NRSN2: variants seen among roughly 807,000 people sequenced by gnomAD.
The protein encoded by NRSN2 is neurensin-2.
Under a neutral mutation model 11.1 loss-of-function variants are expected in NRSN2, and 10 were observed. That is an observed-to-expected ratio of 0.90 (90% CI 0.56 to 1.53). The LOEUF (loss-of-function observed/expected upper bound fraction) is 1.53. Ranked by LOEUF, NRSN2 falls within the 40% of genes most tolerant of loss-of-function variation. The probability of loss-of-function intolerance (pLI) is 0.00; values close to 1 mark genes in which losing one functional copy is unlikely to be tolerated. For missense variants in NRSN2, 260 were observed against 273.7 expected (o/e 0.95, Z 0.35); for synonymous variants, 100 against 117.0 (o/e 0.86, Z 0.94).
chr20:353,628 A>G lies in NRSN2; in HGVS notation c.608A>G (p.Asp203Gly), dbSNP rs1350700362. Reference protein sequence around the residue: ...SSVQTIQPKRDS With the variant: ...SSVQTIQPKRGS ...GTGCAGACTATCCAGCCCAAGAGGGACTCCTGAGCTGCCCACATGGCCTAA... is the reference window on the plus strand; with the variant it reads ...GTGCAGACTATCCAGCCCAAGAGGGGCTCCTGAGCTGCCCACATGGCCTAA... The change falls in exon 5 of 5, where the codon GAC becomes GGC. Residue 203 changes from aspartate (D) to glycine (G), a missense_variant. Asp to Gly is a moderately conservative substitution (Grantham distance 94). Transcript: ENST00000382285. The G allele has an allele frequency of 6.2e-7, 1 of 1,613,356 alleles. No individual in the cohort carries two copies. Among genetic ancestry groups the G allele is most frequent in the Non-Finnish European group, 8.5e-7 (1 of 1,179,742 alleles).
intron 4 of NRSN2, among the ~76,000 whole-genome samples, chr20:350,477 TAA>T (rs553851326): frequency 2.9e-4 from 24 of 83,424 alleles, no homozygotes; most frequent in Admixed American, 4.2e-4. Flanking sequence ...AAACTCCCTC[TAA>T]AAAAAAAAAA....
rs1354859900 is a variant in NRSN2 at position 347,781 on chromosome 20, A to G, written c.-122+269A>G. Among the ~76,000 whole-genome samples the G allele has an allele frequency of 3.3e-5, 5 of 151,836 alleles. No individual in the cohort carries two copies. Among genetic ancestry groups the G allele is most frequent in the Admixed American group, 1.3e-4 (2 of 15,262 alleles). ...GCAGTCTCCCCACGTCGGACAGCGC[A>G]GCCCCCTCCGCCTCCCGCTCCCCTC... On this transcript the variant is annotated intron_variant, in intron 2 of 4. Coordinates refer to ENST00000382285, the MANE Select transcript of NRSN2 (RefSeq NM_001323682.2). The surrounding 1 kb of genome is among the most constrained non-coding windows in gnomAD (Gnocchi z 7.0).
In NRSN2 at chr20:353,599, T is replaced by A; in HGVS notation, c.579T>A (p.Ser193=). 1 of 1,614,176 alleles carries A rather than the reference T, an allele frequency of 6.2e-7. No individual in the cohort carries two copies. Among genetic ancestry groups the A allele is most frequent in the African/African-American group, 1.3e-5 (1 of 75,040 alleles). ...FSPPASPFGQ[S]SVQTIQPKRD... ...CACCCGCCAGCCCCTTTGGGCAATC[T>A]TCTGTGCAGACTATCCAGCCCAAGA... The change falls in exon 5 of 5, where the codon TCT becomes TCA. Residue 193 remains serine, a synonymous_variant. Transcript: ENST00000382285.
Position 353,533 on chromosome 20 carries a change from AC to A in NRSN2, c.516del (p.Ile173PhefsTer68), listed in dbSNP as rs767055670. 22 of 1,613,918 alleles carry A rather than the reference AC, an allele frequency of 1.4e-5. No individual in the cohort carries two copies. The African/African-American group carries it at 2.9e-4, about 22-fold the overall frequency. On this transcript the variant is annotated frameshift_variant, in exon 5 of 5. Coordinates refer to ENST00000382285, the MANE Select transcript of NRSN2 (RefSeq NM_001323682.2). LOFTEE classifies it high-confidence loss of function. Reference sequence around the variant, plus strand: ...GGGATGAGCCAGAGCAGCAGTTGTCACCCATTTTCCGCAATGCCAGTGGCCA... The same window carrying A: ...GGGATGAGCCAGAGCAGCAGTTGTCACCATTTTCCGCAATGCCAGTGGCCA... Reference protein sequence around the residue: ...FGDEPEQQLSPIFRNASGQSW... With the variant: ...FGDEPEQQLSXIFRNASGQSW...
chr20:350,646 CAAAAAAAAAAA>C (rs56188179), intron 4 of NRSN2, among the ~76,000 whole-genome samples: 14 of 39,408 alleles, frequency 3.6e-4, no homozygotes, highest in African/African-American at 1.2e-3. Flanking sequence ...GACTCTGTCT[CAAAAAAAAAAA>C]AAAAAAAAAA....
Position 349,708 on chromosome 20 carries a change from G to A in NRSN2, c.65G>A (p.Trp22Ter). 6.2e-7 allele frequency: 1 copy of A among 1,613,446 alleles called. No individual in the cohort carries two copies. The highest frequency in any genetic ancestry group is 1.1e-5 in the South Asian group (1 of 91,072). The change falls in exon 4 of 5, where the codon TGG becomes TAG. Residue 22 changes from tryptophan (W) to a stop codon, truncating the protein, a stop_gained. Transcript: ENST00000382285. LOFTEE classifies it high-confidence loss of function. ...SRGPSVEDGK[W>*]YGVRSYLHLF... ...GGCCCCAGCGTGGAGGATGGCAAGT[G>A]GTATGGGGTCCGCTCCTACCTGCAC... is the stretch of plus-strand genomic sequence containing the variant.
At chr20:351,526 T>C (rs538161630) in intron 4 of NRSN2, among the ~76,000 whole-genome samples, 30 of 152,216 alleles carry the variant, frequency 2.0e-4, no homozygotes, top group Admixed American at 9.2e-4. Flanking sequence ...AGAGTGAGAC[T>C]CTGTCAAGAA....
chr20:349,476 C>G (rs2013742125), intron 3 of NRSN2, 113 bp downstream of exon 3: 1 of 577,506 alleles, frequency 1.7e-6, no homozygotes, highest in South Asian at 2.2e-5. Flanking sequence ...TTGGGAAGGA[C>G]AGGCTGGGAT....
intron 2 of NRSN2, chr20:348,504 T>TGTGTGTGTGTGTGG (rs2013645035): frequency 6.6e-6 from 1 of 151,568 alleles, no homozygotes. Context: ...TGTGTGTGTG[T>TGTGTGTGTGTGTGG]GTGTGTGTGT....
At chr20:351,950 A>G (rs752068797) in intron 4 of NRSN2, among the ~76,000 whole-genome samples, 1 of 152,090 alleles carries the variant, frequency 6.6e-6, no homozygotes, top group Non-Finnish European at 1.5e-5. Flanking sequence ...GTTTATATGG[A>G]GAGGTAAAAG....
intron 4 of NRSN2, among the ~76,000 whole-genome samples, chr20:352,870 G>A (rs1002240748): frequency 2.0e-5 from 3 of 152,206 alleles, no homozygotes; most frequent in African/African-American, 7.2e-5. Flanking sequence ...GGTGAGGTTT[G>A]AGATGAGATC....
intron 2 of NRSN2, among the ~76,000 whole-genome samples, chr20:348,562 T>C (rs562484153): frequency 6.8e-6 from 1 of 146,200 alleles, no homozygotes; most frequent in Non-Finnish European, 1.5e-5. Context: ...GTATGCTTTG[T>C]GAGTATGTCT....
intron 3 of NRSN2, 128 bp from the exon 4 acceptor site, chr20:349,510 G>C: frequency 1.5e-6 from 1 of 676,118 alleles, no homozygotes; most frequent in South Asian, 1.9e-5. Flanking sequence ...ACTGTGCTAT[G>C]CGTGTAGGGT....
rs1046559 is a variant in NRSN2, at chr20:354,721, C to T, written c.*1086C>T. On this transcript the variant is annotated 3_prime_UTR_variant, in exon 5 of 5. Transcript: ENST00000382285. ...CCCCTCCCTAACCCTTACCTTCAGT[C>T]TCCACCAGCCTGAAGGGCCTCCTAG... 1 of 152,318 alleles carries T rather than the reference C, an allele frequency of 6.6e-6. No homozygotes were observed. The highest frequency in any genetic ancestry group is 6.5e-5 in the Admixed American group (1 of 15,284). The allele number at this position is 152,318 out of a possible 1,614,324, so 9.4% of individuals were successfully genotyped here. A position where few individuals can be genotyped will look rare whatever the true frequency, so the allele number is the denominator to read the frequency against.
At chr20:351,402 C>T (rs1023669050) in intron 4 of NRSN2, among the ~76,000 whole-genome samples, 5 of 151,888 alleles carry the variant, frequency 3.3e-5, no homozygotes, top group East Asian at 3.9e-4. Flanking sequence ...GATGTAGTGG[C>T]GCGGGCCTGT....
intron 4 of NRSN2, 122 bp from the exon 5 acceptor site, chr20:353,088 T>C (rs753099891): frequency 1.2e-6 from 1 of 830,232 alleles, no homozygotes; most frequent in African/African-American, 1.7e-5. Context: ...GTTCTGTGAT[T>C]CCCATCTCCT....
At chr20:351,770 C>G (rs1000416098) in intron 4 of NRSN2, among the ~76,000 whole-genome samples, 1 of 152,170 alleles carries the variant, frequency 6.6e-6, no homozygotes, top group South Asian at 2.1e-4. Flanking sequence ...CCAACCTGAT[C>G]TTTGATTCAA....
rs1372072386 is a variant in NRSN2, at chr20:353,158, A to G, written c.190-52A>G. On this transcript the variant is annotated intron_variant, in intron 4 of 4. Coordinates refer to ENST00000382285, the MANE Select transcript of NRSN2 (RefSeq NM_001323682.2). Reference sequence around the variant, plus strand: ...GAGGATCCAAGGTGATCCCTTGGCCAGGGGCCCCTGGCTGACCCTGACTGC... The same window carrying G: ...GAGGATCCAAGGTGATCCCTTGGCCGGGGGCCCCTGGCTGACCCTGACTGC... 8.3e-6 allele frequency: 13 copies of G among 1,570,296 alleles called. No homozygotes were observed. The South Asian group carries it at 1.4e-4, about 16-fold the overall frequency.
At position 349,777 on chromosome 20, in the gene NRSN2, C is replaced by G; in HGVS notation, c.134C>G (p.Pro45Arg). The G allele has an allele frequency of 6.2e-7, 1 of 1,613,598 alleles. No individual in the cohort carries two copies. Among genetic ancestry groups the G allele is most frequent in the Non-Finnish European group, 8.5e-7 (1 of 1,180,030 alleles). Residue 45 changes from proline to arginine, a missense_variant, in exon 4 of 5, where the codon CCT becomes CGT. By Grantham distance (103) the Pro-to-Arg change is moderately radical. Transcript: ENST00000382285. ...DCAGTALSDD[P>R]EGPPVLCPRR... is the part of the protein sequence containing the mutation. ...GCAGGCACTGCTCTCAGCGACGACCCTGAGGGACCTCCGGTCCTGTGCCCC... is the reference window on the plus strand; with the variant it reads ...GCAGGCACTGCTCTCAGCGACGACCGTGAGGGACCTCCGGTCCTGTGCCCC...
Sources: gnomAD v4.1 joint callset for allele counts (sites outside exome capture counted in the v4.1 genomes callset) on GRCh38, gnomAD v4.1.1 for gene constraint, Gnocchi (gnomAD v3.1) non-coding constraint, MANE v1.5 for transcripts, NCBI Gene and HGNC (gene_info 2026-07-23, HGNC 2026-07-21) for gene names.